Variants in MAN2A1 observed in about 807,000 individuals in gnomAD.
MAN2A1 encodes the protein alpha-mannosidase 2.
In MAN2A1, 76 loss-of-function variants were observed where a neutral mutation model predicts 142.6. The ratio of observed to expected loss-of-function variants is 0.53; its 90% CI spans 0.44 to 0.65. The LOEUF (loss-of-function observed/expected upper bound fraction) is 0.65, where lower values mean the gene tolerates loss of function less well. Among genes scored for constraint, MAN2A1 ranks in the 30% least tolerant of loss-of-function variants. MAN2A1 has a pLI of 0.00. For synonymous variants in MAN2A1, 559 were observed against 473.2 expected, an observed-to-expected ratio of 1.18 and a Z score of -2.35; for missense variants, 1,311 against 1,365.1, an observed-to-expected ratio of 0.96 and a Z score of 0.62.
At chr5:109,692,625 C>G (rs959946835) in intron 1 of MAN2A1, among the ~76,000 whole-genome samples, 1 of 152,106 alleles carries the variant, frequency 6.6e-6, no homozygotes, top group Admixed American at 6.5e-5. Flanking sequence ...CCTTTGTAGC[C>G]CAGGCTCCCA....
intron 21 of MAN2A1, 33 bp from the exon 22 acceptor site, chr5:109,866,813 C>A: frequency 1.4e-6 from 2 of 1,449,790 alleles, no homozygotes; most frequent in Non-Finnish European, 1.9e-6. Context: ...CAAAGTTGAT[C>A]TAAATATGTA....
At position 109,740,114 on chromosome 5, in the gene MAN2A1, A is replaced by G. The variant is rs1193896767; in HGVS notation, c.707+10601A>G. Among the ~76,000 whole-genome samples, 3 of 152,188 alleles carry G rather than the reference A, an allele frequency of 2.0e-5. No homozygotes were observed. In the East Asian group the frequency reaches 5.8e-4, roughly 29 times the overall value. On this transcript the variant is annotated intron_variant, in intron 4 of 21. Transcript: ENST00000261483. ...GTCTTCAGTTCTGTGTGTTCAAGAC[A>G]GTATCCAGCATCAGTTTGTATTGCT...
intron 20 of MAN2A1, chr5:109,863,455 C>T (rs562283828): frequency 1.3e-5 from 2 of 152,322 alleles, no homozygotes; most frequent in Admixed American, 1.3e-4. Context: ...AGATCTCCAG[C>T]TGTCTGACTC....
intron 1 of MAN2A1, among the ~76,000 whole-genome samples, chr5:109,695,085 C>G (rs144347669): frequency 6.6e-6 from 1 of 152,348 alleles, no homozygotes; most frequent in African/African-American, 2.4e-5. Context: ...TCTAACTCCT[C>G]TTCAGTCCAA....
intron 8 of MAN2A1, among the ~76,000 whole-genome samples, chr5:109,777,965 T>A (rs1435154384): frequency 2.0e-5 from 3 of 152,078 alleles, no homozygotes; most frequent in Non-Finnish European, 4.4e-5. Context: ...AGTTTTATAA[T>A]AGGTTTTAAT....
intron 1 of MAN2A1, among the ~76,000 whole-genome samples, chr5:109,692,017 A>AT (rs2112532146): frequency 6.6e-6 from 1 of 152,334 alleles, no homozygotes; most frequent in South Asian, 2.1e-4. Context: ...CAGGAAAATC[A>AT]TAAAAAGTGA....
chr5:109,865,185 C>A, intron 21 of MAN2A1, 39 bp downstream of exon 21: 1 of 1,356,484 alleles, frequency 7.4e-7, no homozygotes, highest in Non-Finnish European at 1.1e-6. Flanking sequence ...TGTTAGTGTG[C>A]TTTGAAATCC....
At chr5:109,746,039 G>T (rs564918301) in intron 4 of MAN2A1, among the ~76,000 whole-genome samples, 9 of 152,162 alleles carry the variant, frequency 5.9e-5, no homozygotes, top group Non-Finnish European at 1.2e-4. Context: ...CAGTATTGCA[G>T]TCTTGGCTCA....
chr5:109,863,209 G>T (rs1755799103), intron 20 of MAN2A1: 1 of 152,164 alleles, frequency 6.6e-6, no homozygotes, highest in African/African-American at 2.4e-5. Context: ...TCTGAATCCA[G>T]ACTTTGTTAT....
In MAN2A1 at chr5:109,713,731, G is replaced by C. The variant is rs752130099; in HGVS notation, c.347G>C (p.Cys116Ser). Residue 116 changes from cysteine to serine, a missense_variant, in exon 2 of 22, where the codon TGT becomes TCT. This residue lies in a region of MAN2A1 where 409 missense variants were observed against 412.7 expected (regional missense o/e 0.99). Coordinates refer to ENST00000261483, the MANE Select transcript of MAN2A1 (RefSeq NM_002372.4). ...TCCCTCTCAGTTGACACTGCAGACT[G>C]TCTGTTTGCTTCACAAAGTGGAAGT... The part of the protein sequence containing the change: ...QLSLSVDTAD[C>S]LFASQSGSHN... The C allele has an allele frequency of 2.5e-6, 4 of 1,613,586 alleles. No homozygotes were observed. Among genetic ancestry groups the C allele is most frequent in the Non-Finnish European group, 3.4e-6 (4 of 1,179,918 alleles).
At chr5:109,823,075 A>G (rs139626182) in intron 15 of MAN2A1, among the ~76,000 whole-genome samples, 204 of 152,342 alleles carry the variant, frequency 1.3e-3, no homozygotes, top group African/African-American at 4.7e-3. Context: ...ATAATTACTC[A>G]TAAATGTTTT....
rs370312687 is a variant in MAN2A1, at chr5:109,755,416, T to A, written c.795T>A (p.Asp265Glu). 19 of 1,610,732 alleles carry A rather than the reference T, an allele frequency of 1.2e-5. No homozygotes were observed. Among genetic ancestry groups the A allele is most frequent in the Non-Finnish European group, 1.5e-5 (18 of 1,177,028 alleles). ...CTCCACATTATTTTGCCTTAATTGA[T>A]CAACTAATTGAAGGACATCAGTGGC... ...EATPHYFALIDQLIEGHQWLE... is the reference protein window; with the variant it reads ...EATPHYFALIEQLIEGHQWLE... The change falls in exon 5 of 22, where the codon GAT (aspartate) becomes GAA (glutamate). Residue 265 changes from aspartate (D) to glutamate (E), a missense_variant. Physicochemically the swap from Asp to Glu is conservative, Grantham distance 45. Transcript: ENST00000261483.
In MAN2A1 at chr5:109,708,991, A is replaced by G. The variant is rs11950312; in HGVS notation, c.136-4529A>G. ...CAGATACACCTGGGGCAGCTCAATA[A>G]TTCTAATCAATTGCTAAACCACCTG... is the stretch of plus-strand genomic sequence containing the variant. On this transcript the variant is annotated intron_variant, in intron 1 of 21. Transcript: ENST00000261483. 3.6e-3 allele frequency among the ~76,000 whole-genome samples: 551 copies of G among 152,302 alleles called. 5 individuals are homozygous for G. The highest frequency in any genetic ancestry group is 0.013 in the African/African-American group (533 of 41,564).
At chr5:109,752,826 A>G (rs919672935) in intron 4 of MAN2A1, among the ~76,000 whole-genome samples, 1 of 152,362 alleles carries the variant, frequency 6.6e-6, no homozygotes, top group Non-Finnish European at 1.5e-5. Context: ...CTTTGATGAA[A>G]GTAGCATCCC....
intron 5 of MAN2A1, among the ~76,000 whole-genome samples, chr5:109,759,606 G>A (rs981433843): frequency 6.6e-6 from 1 of 152,194 alleles, no homozygotes; most frequent in Non-Finnish European, 1.5e-5. Flanking sequence ...CTCTTGGAGT[G>A]AAATGTTTAC....
At chr5:109,780,303 C>T (rs986607426) in intron 8 of MAN2A1, among the ~76,000 whole-genome samples, 2 of 152,112 alleles carry the variant, frequency 1.3e-5, no homozygotes, top group African/African-American at 4.8e-5. Flanking sequence ...TCATGATCCA[C>T]CCGCCTCAGC....
intron 10 of MAN2A1, 27 bp from the exon 11 acceptor site, chr5:109,788,907 C>T: frequency 9.6e-7 from 1 of 1,041,532 alleles, no homozygotes; most frequent in Non-Finnish European, 1.5e-6. Flanking sequence ...AATTGTTTCT[C>T]AGACTAATAA....
At chr5:109,830,642 T>C (rs1754883214) in intron 16 of MAN2A1, among the ~76,000 whole-genome samples, 1 of 152,238 alleles carries the variant, frequency 6.6e-6, no homozygotes, top group Non-Finnish European at 1.5e-5. Context: ...TTTCCATAGC[T>C]ATATTCCATA....
intron 1 of MAN2A1, among the ~76,000 whole-genome samples, chr5:109,701,348 G>A (rs971002411): frequency 6.6e-6 from 1 of 152,172 alleles, no homozygotes; most frequent in African/African-American, 2.4e-5. Flanking sequence ...TTTGAATCCT[G>A]GAGGAGATTG....
Sources: gnomAD v4.1 joint callset for allele counts (sites outside exome capture counted in the v4.1 genomes callset) on GRCh38, gnomAD v4.1.1 for gene constraint, gnomAD v4.1.1 regional missense constraint, MANE v1.5 for transcripts, NCBI Gene and HGNC (gene_info 2026-07-23, HGNC 2026-07-21) for gene names.